PLCH1: variants seen among roughly 807,000 people sequenced by gnomAD.
PLCH1 encodes phospholipase C eta 1.
A neutral mutation model predicts 126.7 loss-of-function variants in PLCH1; 60 were observed. That is an observed-to-expected ratio of 0.47 (90% confidence interval 0.38 to 0.59). The LOEUF is 0.59. PLCH1 is among the 20% of genes least tolerant of loss of function. The probability of loss-of-function intolerance (pLI) is 0.00; values close to 1 mark genes in which losing one functional copy is unlikely to be tolerated. For synonymous variants in PLCH1, 719 were observed against 734.9 expected (o/e 0.98, Z 0.35); for missense variants, 1,723 against 2,040.0 (o/e 0.84, Z 2.99).
intron 11 of PLCH1, among the ~76,000 whole-genome samples, chr3:155,518,161 T>C (rs1321632807): frequency 1.3e-5 from 2 of 152,176 alleles, no homozygotes; most frequent in African/African-American, 4.8e-5. Flanking sequence ...AATTCACAAC[T>C]TACAAATTGT....
chr3:155,586,505 G>C (rs1731393753), intron 4 of PLCH1, among the ~76,000 whole-genome samples: 1 of 152,144 alleles, frequency 6.6e-6, no homozygotes, highest in Non-Finnish European at 1.5e-5. Flanking sequence ...TCAGGAGTTT[G>C]AGACCAGCCT....
intron 10 of PLCH1, among the ~76,000 whole-genome samples, chr3:155,527,461 G>A (rs370120486): frequency 1.8e-3 from 277 of 152,266 alleles, no homozygotes; most frequent in African/African-American, 6.5e-3. Flanking sequence ...CACCTTCCTT[G>A]ATACCCAAAG....
Position 155,594,012 on chromosome 3 carries a change from T to C in PLCH1, c.399A>G (p.Thr133=), listed in dbSNP as rs773445727. 1.2e-6 allele frequency: 2 copies of C among 1,613,982 alleles called. No homozygotes were observed. The highest frequency in any genetic ancestry group is 2.2e-5 in the East Asian group (1 of 44,870). Residue 133 remains threonine (T), a synonymous_variant, in exon 4 of 23, where the codon ACA becomes ACG. Coordinates refer to ENST00000460012, the MANE Select transcript of PLCH1 (RefSeq NM_014996.4). ...SNPEEARTWI[T]GLKYLMAGIS... is the part of the protein sequence containing the mutation. Reference sequence around the variant, plus strand: ...TGCCAGCCATCAGGTACTTGAGGCCTGTGATCCAGGTGCGGGCCTCCTCGG... The same window carrying C: ...TGCCAGCCATCAGGTACTTGAGGCCCGTGATCCAGGTGCGGGCCTCCTCGG...
intron 2 of PLCH1, among the ~76,000 whole-genome samples, chr3:155,623,589 C>T (rs1259379441): frequency 6.6e-6 from 1 of 152,018 alleles, no homozygotes; most frequent in East Asian, 1.9e-4. Flanking sequence ...ACCAACAATC[C>T]CACAGAAATA....
chr3:155,545,410 A>C (rs201841199), intron 10 of PLCH1, among the ~76,000 whole-genome samples: 118,352 of 146,424 alleles, frequency 0.81, 49,236 homozygotes, highest in Middle Eastern at 0.94. Flanking sequence ...CTTACCAACC[A>C]AAAAGAGTCC....
rs539275021 is a variant in PLCH1 at position 155,556,917 on chromosome 3, C to T, written c.1070-2721G>A. ...TATTGGTTCTGTTTCTCTGCAGAAC[C>T]CCGACTAATACAGCTATCTATATTA... On this transcript the variant is annotated intron_variant, in intron 8 of 22. Transcript: ENST00000460012. 9.3e-4 allele frequency among the ~76,000 whole-genome samples: 142 copies of T among 152,268 alleles called. 3 individuals are homozygous for T. In the South Asian group the frequency reaches 0.028, roughly 31 times the overall value.
chr3:155,638,598 T>C (rs892591967), intron 2 of PLCH1, among the ~76,000 whole-genome samples: 13 of 152,252 alleles, frequency 8.5e-5, no homozygotes, highest in African/African-American at 3.1e-4. Flanking sequence ...TGCATGTGAA[T>C]GTTTATTTGT....
intron 6 of PLCH1, among the ~76,000 whole-genome samples, chr3:155,575,022 T>C (rs1450053051): frequency 6.6e-6 from 1 of 151,892 alleles, no homozygotes; most frequent in Non-Finnish European, 1.5e-5. Flanking sequence ...TCCCAGCTTC[T>C]TGGGAGACTG....
intron 12 of PLCH1, among the ~76,000 whole-genome samples, chr3:155,505,077 G>A (rs1718454063): frequency 6.6e-6 from 1 of 152,080 alleles, no homozygotes; most frequent in African/African-American, 2.4e-5. Context: ...AAAGAAAGTG[G>A]ATCACATTGA....
chr3:155,719,530 AT>A (rs977847465), intron 1 of PLCH1, among the ~76,000 whole-genome samples: 4 of 152,132 alleles, frequency 2.6e-5, no homozygotes, highest in African/African-American at 9.7e-5. Flanking sequence ...AAATTAATTA[AT>A]TAAAAAAAAG....
At chr3:155,555,320 T>C (rs1485939516) in intron 8 of PLCH1, among the ~76,000 whole-genome samples, 1 of 152,184 alleles carries the variant, frequency 6.6e-6, no homozygotes, top group Non-Finnish European at 1.5e-5. Flanking sequence ...ATGTGGCCAG[T>C]GAAATGTGGG....
At chr3:155,720,281 TA>T (rs1341975783) in intron 1 of PLCH1, among the ~76,000 whole-genome samples, 4 of 152,252 alleles carry the variant, frequency 2.6e-5, no homozygotes, top group Non-Finnish European at 5.9e-5. Context: ...TTTGGTTCTT[TA>T]AGAAATCTCC....
At chr3:155,636,797 G>A (rs1738777688) in intron 2 of PLCH1, among the ~76,000 whole-genome samples, 8 of 151,724 alleles carry the variant, frequency 5.3e-5, no homozygotes. Flanking sequence ...ATGCCAATCT[G>A]CAAACTATTT....
At chr3:155,571,543 G>A (rs570676305) in intron 6 of PLCH1, among the ~76,000 whole-genome samples, 40 of 152,056 alleles carry the variant, frequency 2.6e-4, no homozygotes, top group Non-Finnish European at 4.3e-4. Context: ...TGGGATTACT[G>A]GCACACGCCA....
At chr3:155,564,856 A>G in intron 8 of PLCH1, 59 bp downstream of exon 8, 2 of 1,067,628 alleles carry the variant, frequency 1.9e-6, no homozygotes, top group South Asian at 2.5e-5. Context: ...TAGACTCGAC[A>G]GACTGATTAA....
intron 6 of PLCH1, among the ~76,000 whole-genome samples, chr3:155,577,412 T>C (rs1165525730): frequency 6.6e-6 from 1 of 152,128 alleles, no homozygotes; most frequent in Non-Finnish European, 1.5e-5. Flanking sequence ...TCTAGGAAAG[T>C]ACTTGCCACA....
chr3:155,551,376 C>T (rs923048942), intron 9 of PLCH1, among the ~76,000 whole-genome samples: 3 of 136,152 alleles, frequency 2.2e-5, no homozygotes, highest in African/African-American at 5.3e-5. Flanking sequence ...ACCCAGGAGG[C>T]GGAGGTTGCA....
rs1391700325 is a variant in PLCH1 at position 155,688,803 on chromosome 3, TC to T, written c.79+15342del. ...GTAGCGGGTGGCCACAGAGAAAGGC[TC>T]CTCTGCCTGTGGAAAGGGGAGGGAA... is the stretch of plus-strand genomic sequence containing the variant. On this transcript the variant is annotated intron_variant, in intron 2 of 22. Transcript: ENST00000460012. Among the ~76,000 whole-genome samples, 7 of 152,122 alleles carry T rather than the reference TC, an allele frequency of 4.6e-5. No individual in the cohort carries two copies. In the East Asian group the frequency reaches 1.3e-3, roughly 29 times the overall value.
chr3:155,721,770 G>A (rs998153396), intron 1 of PLCH1, among the ~76,000 whole-genome samples: 1 of 151,984 alleles, frequency 6.6e-6, no homozygotes, highest in East Asian at 1.9e-4. Context: ...AAAGTGGGCC[G>A]GGCACAGTAG....
Sources: gnomAD v4.1 joint callset for allele counts (sites outside exome capture counted in the v4.1 genomes callset) on GRCh38, gnomAD v4.1.1 for gene constraint, MANE v1.5 for transcripts, NCBI Gene and HGNC (gene_info 2026-07-23, HGNC 2026-07-21) for gene names.